RGS12: variants seen among roughly 807,000 people sequenced by gnomAD.
RGS12 encodes regulator of G protein signaling 12, also known as regulator of G-protein signaling 12.
Under a neutral mutation model 120.1 loss-of-function variants are expected in RGS12, and 66 were observed. The observed-to-expected ratio is 0.55, with a 90% CI of 0.45 to 0.67. RGS12 has a LOEUF of 0.67. Among genes scored for constraint, RGS12 ranks in the 30% least tolerant of loss-of-function variants. The pLI is 0.00. For missense variants in RGS12, 1,859 were observed against 1,957.7 expected, an observed-to-expected ratio of 0.95 and a Z score of 0.95; for synonymous variants, 827 against 804.7, an observed-to-expected ratio of 1.03 and a Z score of -0.47.
intron 2 of RGS12, among the ~76,000 whole-genome samples, chr4:3,328,201 A>G (rs1725690764): frequency 6.6e-6 from 1 of 151,972 alleles, no homozygotes; most frequent in African/African-American, 2.4e-5. Flanking sequence ...GTACACATGG[A>G]TGGAGAGAGT....
chr4:3,375,186 C>G (rs868422720), intron 3 of RGS12, among the ~76,000 whole-genome samples: 15 of 152,128 alleles, frequency 9.9e-5, no homozygotes, highest in Non-Finnish European at 1.9e-4. Context: ...TTGAGACAGT[C>G]GCTGAGTCTT....
intron 2 of RGS12, among the ~76,000 whole-genome samples, chr4:3,336,386 T>C (rs1274567376): frequency 1.3e-5 from 2 of 152,202 alleles, no homozygotes; most frequent in African/African-American, 2.4e-5. Context: ...GTCTCCTGAG[T>C]GAACCCTGAA....
chr4:3,345,430 A>G (rs1475712765), intron 3 of RGS12, among the ~76,000 whole-genome samples: 1 of 152,214 alleles, frequency 6.6e-6, no homozygotes, highest in East Asian at 1.9e-4. Flanking sequence ...CTCCAAAAGC[A>G]TAGCTGACCA....
intron 3 of RGS12, among the ~76,000 whole-genome samples, chr4:3,362,699 G>A (rs1352400155): frequency 6.8e-6 from 1 of 146,562 alleles, no homozygotes; most frequent in Admixed American, 6.8e-5. Flanking sequence ...GTGTGAGGGT[G>A]TGTGTGAGGC....
rs777313371 is a variant in RGS12, at chr4:3,416,170, G to A, written c.2427+49G>A. On this transcript the variant is annotated intron_variant, in intron 7 of 17. Coordinates refer to ENST00000336727, the MANE Select transcript of RGS12 (RefSeq NM_001394154.1). ...GTGGGGAGTCCAGGCTAGGGCTCGG[G>A]GTATAGGGTCCACCTTCAAAGAACA... 1.2e-5 allele frequency: 20 copies of A among 1,600,372 alleles called. No homozygotes were observed. The South Asian group carries it at 2.0e-4, about 16-fold the overall frequency.
At chr4:3,289,492 C>T (rs1722965916), upstream of RGS12, among the ~76,000 whole-genome samples, 1 of 152,190 alleles carries the variant, frequency 6.6e-6, no homozygotes, top group African/African-American at 2.4e-5. Flanking sequence ...GCATGAGCCA[C>T]CGTGCCTGGC....
chr4:3,408,129 C>CCACT (rs1223084730), intron 4 of RGS12, among the ~76,000 whole-genome samples: 1 of 152,186 alleles, frequency 6.6e-6, no homozygotes, highest in Non-Finnish European at 1.5e-5. Flanking sequence ...ATCAGGCAAG[C>CCACT]CACTGCAAGC....
chr4:3,361,959 C>A (rs887519983), intron 3 of RGS12, among the ~76,000 whole-genome samples: 2 of 152,174 alleles, frequency 1.3e-5, no homozygotes, highest in Non-Finnish European at 2.9e-5. Context: ...GGGAACAATG[C>A]CCCCAACCTG....
intron 17 of RGS12, among the ~76,000 whole-genome samples, chr4:3,438,260 C>G (rs545912991): frequency 6.6e-6 from 1 of 151,974 alleles, no homozygotes; most frequent in African/African-American, 2.4e-5. Context: ...CCCAGGCTCA[C>G]TGAGGAAGGG....
In RGS12 at chr4:3,379,679, A is replaced by G. The variant is rs75855973; in HGVS notation, c.1999-6737A>G. 7.9e-4 allele frequency among the ~76,000 whole-genome samples: 121 copies of G among 152,260 alleles called. 2 individuals are homozygous for G. The East Asian group carries it at 0.023, about 29-fold the overall frequency. ...GCAACCATGTCCTTCTTCATATGGCAGTAGGAGAGAGAAGTGCCAAGCAAA... is the reference window on the plus strand; with the variant it reads ...GCAACCATGTCCTTCTTCATATGGCGGTAGGAGAGAGAAGTGCCAAGCAAA... On this transcript the variant is annotated intron_variant, in intron 3 of 17. Coordinates refer to ENST00000336727, the MANE Select transcript of RGS12 (RefSeq NM_001394154.1).
In RGS12 at chr4:3,317,159, A is replaced by G. The variant is rs992420299; in HGVS notation, c.989A>G (p.Glu330Gly). The part of the protein sequence containing the change: ...NDDGSLAQEE[E>G]GALRTSCHVF... The stretch of plus-strand genomic sequence containing the variant: ...GACGGGAGCCTGGCCCAGGAGGAGG[A>G]GGGCGCCCTGCGGACTTCCTGCCAC... The change falls in exon 2 of 18, where the codon GAG (glutamate) becomes GGG (glycine). Residue 330 changes from glutamate (E) to glycine (G), a missense_variant. Physicochemically the swap from Glu to Gly is moderately conservative, Grantham distance 98 (BLOSUM62 -2). Transcript: ENST00000336727. 4 of 1,613,888 alleles carry G rather than the reference A, an allele frequency of 2.5e-6. No homozygotes were observed. In the Admixed American group the frequency reaches 6.7e-5, roughly 27 times the overall value.
At chr4:3,326,421 A>AT (rs1381358424) in intron 2 of RGS12, among the ~76,000 whole-genome samples, 1 of 152,026 alleles carries the variant, frequency 6.6e-6, no homozygotes, top group Admixed American at 6.6e-5. Flanking sequence ...TAATTTTTAA[A>AT]TTTTTTTGTA....
chr4:3,388,382 G>A (rs1397634198), intron 4 of RGS12, among the ~76,000 whole-genome samples: 1 of 152,224 alleles, frequency 6.6e-6, no homozygotes, highest in Non-Finnish European at 1.5e-5. Flanking sequence ...TTGCTTATAA[G>A]AGTAAAAAGA....
At chr4:3,288,556 A>T (rs1722951186), upstream of RGS12, among the ~76,000 whole-genome samples, 1 of 152,110 alleles carries the variant, frequency 6.6e-6, no homozygotes, top group Non-Finnish European at 1.5e-5. The surrounding 1 kb of genome is among the most constrained non-coding windows in gnomAD (Gnocchi z 5.2). Context: ...GGGAGGACAG[A>T]TGGGGTTTGG....
At chr4:3,301,052 G>T (rs1000813905) in intron 1 of RGS12, among the ~76,000 whole-genome samples, 7 of 152,078 alleles carry the variant, frequency 4.6e-5, no homozygotes, top group Non-Finnish European at 7.4e-5. Context: ...GTAACACGGG[G>T]TCTGTCCCCG....
intron 1 of RGS12, among the ~76,000 whole-genome samples, chr4:3,303,992 G>T (rs1157741005): frequency 6.6e-6 from 1 of 152,194 alleles, no homozygotes; most frequent in Non-Finnish European, 1.5e-5. Context: ...GAATTCTCTT[G>T]TAAGCACTGA....
rs1723210779 is a variant in RGS12 at position 3,293,933 on chromosome 4, AGCC to A, written c.-102+836_-102+838del. 2.5e-3 allele frequency among the ~76,000 whole-genome samples: 60 copies of A among 23,554 alleles called. 2 individuals carry two copies. 15.5% of individuals were successfully genotyped at this position (23,554 alleles called of 152,430 possible). On this transcript the variant is annotated intron_variant, in intron 1 of 17. Transcript: ENST00000336727. ...CTGTGGAGTGTAGACAGAGTCTCATAGCCGTGCAGACAGAGAAGGGGCCCAGAG... is the reference window on the plus strand; with the variant it reads ...CTGTGGAGTGTAGACAGAGTCTCATAGTGCAGACAGAGAAGGGGCCCAGAG...
intron 1 of RGS12, among the ~76,000 whole-genome samples, chr4:3,308,950 C>T (rs1406913977): frequency 6.6e-6 from 1 of 152,210 alleles, no homozygotes; most frequent in Non-Finnish European, 1.5e-5. Context: ...GAGTCCCAGA[C>T]GCGGTCGGCA....
intron 8 of RGS12, 116 bp downstream of exon 8, chr4:3,417,208 C>G: frequency 7.5e-7 from 1 of 1,341,970 alleles, no homozygotes; most frequent in South Asian, 1.5e-5. Context: ...GTGGGTGACG[C>G]TCCATGCTGG....
Sources: allele counts gnomAD v4.1 joint callset (sites outside exome capture counted in the v4.1 genomes callset), GRCh38; gene constraint gnomAD v4.1.1; non-coding constraint Gnocchi (gnomAD v3.1); transcripts MANE v1.5; gene names NCBI Gene and HGNC (gene_info 2026-07-23, HGNC 2026-07-21).